ERC2: variants seen among roughly 807,000 people sequenced by gnomAD.
ERC2 encodes the protein ELKS/RAB6-interacting/CAST family member 2.
ERC2 carries 42 observed loss-of-function variants against 114.8 expected under a neutral mutation model. The ratio of observed to expected loss-of-function variants is 0.37; its 90% CI spans 0.29 to 0.47. The LOEUF (loss-of-function observed/expected upper bound fraction) is 0.47. ERC2 is among the 20% of genes least tolerant of loss of function. The probability of loss-of-function intolerance (pLI) is 0.99; values close to 1 mark genes in which losing one functional copy is unlikely to be tolerated. For synonymous variants in ERC2, 454 were observed against 425.5 expected, an observed-to-expected ratio of 1.07 and a Z score of -0.82; for missense variants, 939 against 1,150.7, an observed-to-expected ratio of 0.82 and a Z score of 2.66.
intron 12 of ERC2, among the ~76,000 whole-genome samples, chr3:55,972,664 T>C (rs555084104): frequency 6.6e-6 from 1 of 152,368 alleles, no homozygotes; most frequent in East Asian, 1.9e-4. Context: ...ATTTTCTTTA[T>C]CGAGTATAAC....
At chr3:55,886,224 T>C (rs2063341648) in intron 14 of ERC2, among the ~76,000 whole-genome samples, 2 of 152,186 alleles carry the variant, frequency 1.3e-5, no homozygotes, top group Non-Finnish European at 2.9e-5. Context: ...TTGGCTATTG[T>C]TGATAAATTA....
intron 6 of ERC2, among the ~76,000 whole-genome samples, chr3:56,119,029 T>C (rs974045355): frequency 1.3e-5 from 2 of 152,218 alleles, no homozygotes; most frequent in Non-Finnish European, 2.9e-5. Context: ...CAGTCTCTTT[T>C]GCAACGAATT....
intron 3 of ERC2, among the ~76,000 whole-genome samples, chr3:56,285,495 C>T (rs976055991): frequency 2.0e-5 from 3 of 152,108 alleles, no homozygotes; most frequent in Non-Finnish European, 2.9e-5. Context: ...CTGGGCTACA[C>T]CAAGCCAGCA....
chr3:56,275,026 C>T (rs1307067067), intron 3 of ERC2, among the ~76,000 whole-genome samples: 1 of 152,146 alleles, frequency 6.6e-6, no homozygotes, highest in Non-Finnish European at 1.5e-5. Context: ...CATTTAGCTG[C>T]CATCAACTTC....
intron 14 of ERC2, among the ~76,000 whole-genome samples, chr3:55,856,347 G>A (rs1327454917): frequency 3.3e-5 from 5 of 152,168 alleles, no homozygotes; most frequent in Non-Finnish European, 4.4e-5. Flanking sequence ...ATAAACTATA[G>A]ATCAGGAAGA....
At chr3:56,233,237 G>A (rs1424095264) in intron 3 of ERC2, among the ~76,000 whole-genome samples, 1 of 152,162 alleles carries the variant, frequency 6.6e-6, no homozygotes, top group East Asian at 1.9e-4. Flanking sequence ...TTTGTAAACA[G>A]ACTTCATTTT....
intron 2 of ERC2, among the ~76,000 whole-genome samples, chr3:56,326,905 G>C (rs1316193345): frequency 2.0e-5 from 3 of 152,176 alleles, no homozygotes; most frequent in Non-Finnish European, 2.9e-5. Context: ...TCTGAAACTG[G>C]ATTTCTCTGG....
intron 14 of ERC2, among the ~76,000 whole-genome samples, chr3:55,752,396 A>G (rs2066762307): frequency 6.6e-6 from 1 of 152,166 alleles, no homozygotes; most frequent in Admixed American, 6.5e-5. Context: ...TGGTAGAAGT[A>G]TTTACACGAT....
At chr3:56,307,619 C>G (rs553503952) in intron 2 of ERC2, among the ~76,000 whole-genome samples, 1 of 152,320 alleles carries the variant, frequency 6.6e-6, no homozygotes, top group South Asian at 2.1e-4. Flanking sequence ...AGACCATTAA[C>G]CTGGTGTACT....
intron 7 of ERC2, among the ~76,000 whole-genome samples, chr3:56,069,003 A>T (rs2076606552): frequency 1.3e-5 from 2 of 152,194 alleles, no homozygotes; most frequent in African/African-American, 4.8e-5. Flanking sequence ...ACTGAGAAGA[A>T]TATATATTCT....
intron 14 of ERC2, among the ~76,000 whole-genome samples, chr3:55,872,747 C>T (rs1437572846): frequency 6.6e-6 from 1 of 152,188 alleles, no homozygotes; most frequent in Non-Finnish European, 1.5e-5. Flanking sequence ...TCTGAATCTA[C>T]CTGGTCTGGG....
intron 12 of ERC2, among the ~76,000 whole-genome samples, chr3:55,956,953 A>G (rs1360579115): frequency 6.9e-6 from 1 of 144,914 alleles, no homozygotes; most frequent in African/African-American, 2.6e-5. Context: ...TTGGGGCTAC[A>G]CAAGGGCCCA....
chr3:55,863,342 G>A (rs570533290), intron 14 of ERC2, among the ~76,000 whole-genome samples: 6 of 152,034 alleles, frequency 3.9e-5, no homozygotes, highest in Non-Finnish European at 8.8e-5. Context: ...TTGATAAAGC[G>A]ATGACAGGAA....
intron 3 of ERC2, among the ~76,000 whole-genome samples, chr3:56,213,444 G>T (rs115158640): frequency 0.029 from 4,392 of 152,294 alleles, 223 homozygotes; most frequent in African/African-American, 0.1. Context: ...AGATCAAAGT[G>T]CAAGTGGGCA....
chr3:56,267,109 G>C (rs2053360883), intron 3 of ERC2, among the ~76,000 whole-genome samples: 1 of 152,132 alleles, frequency 6.6e-6, no homozygotes, highest in African/African-American at 2.4e-5. Context: ...ATTCTTAACA[G>C]TTGAACATCC....
In ERC2 at chr3:55,516,006, G is replaced by A. The variant is rs907101135; in HGVS notation, c.*40-4730C>T. ...TGGGTTAATGTCCATTATGTTCCAT[G>A]TGCTTTCCAAATGTGTGCAGTGTGC... is the stretch of plus-strand genomic sequence containing the variant. On this transcript the variant is annotated intron_variant, in intron 17 of 17. Transcript: ENST00000288221. 3.3e-5 allele frequency among the ~76,000 whole-genome samples: 5 copies of A among 152,170 alleles called. No homozygotes were observed. The South Asian group carries it at 1.0e-3, about 31-fold the overall frequency.
intron 14 of ERC2, among the ~76,000 whole-genome samples, chr3:55,783,148 T>A (rs1484129391): frequency 6.6e-6 from 1 of 152,186 alleles, no homozygotes; most frequent in Non-Finnish European, 1.5e-5. Flanking sequence ...CAAGGAATAC[T>A]TACCGAAGCC....
chr3:55,630,905 C>T (rs1345677853), intron 17 of ERC2, among the ~76,000 whole-genome samples: 2 of 150,024 alleles, frequency 1.3e-5, no homozygotes, highest in African/African-American at 4.9e-5. Flanking sequence ...TGGGAAGTCA[C>T]GTAACATAAA....
Position 55,729,408 on chromosome 3 carries a change from A to T in ERC2, c.2712+5363T>A, listed in dbSNP as rs1280728872. Among the ~76,000 whole-genome samples, 3 of 151,966 alleles carry T rather than the reference A, an allele frequency of 2.0e-5. No individual in the cohort carries two copies. The East Asian group carries it at 5.8e-4, about 29-fold the overall frequency. ...CAATGACACCCATCCTGTCTACCCT[A>T]TTTTAAATTGTCACCAGATCCCTGA... On this transcript the variant is annotated intron_variant, in intron 15 of 17. Transcript: ENST00000288221.
Sources: allele counts gnomAD v4.1 joint callset (sites outside exome capture counted in the v4.1 genomes callset), GRCh38; gene constraint gnomAD v4.1.1; transcripts MANE v1.5; gene names NCBI Gene and HGNC (gene_info 2026-07-23, HGNC 2026-07-21).